The following NAALAD2 variants were observed in gnomAD, a reference collection of about 807,000 sequenced individuals.
The protein encoded by NAALAD2 is N-acetylated alpha-linked acidic dipeptidase 2.
A neutral mutation model predicts 95.6 loss-of-function variants in NAALAD2; 89 were observed. The ratio of observed to expected loss-of-function variants is 0.93; its 90% CI spans 0.78 to 1.11. The LOEUF (loss-of-function observed/expected upper bound fraction) is 1.11. Ranked by LOEUF, NAALAD2 falls within the 50% of genes least tolerant of loss-of-function variation. The pLI, the probability that NAALAD2 is intolerant of heterozygous loss-of-function variation, is 0.00. For synonymous variants in NAALAD2, 264 were observed against 294.4 expected (o/e 0.90, Z 1.06); for missense variants, 894 against 872.4 (o/e 1.02, Z -0.31).
At chr11:90,170,442 C>T (rs1952601016) in intron 13 of NAALAD2, among the ~76,000 whole-genome samples, 1 of 152,272 alleles carries the variant, frequency 6.6e-6, no homozygotes, top group African/African-American at 2.4e-5. Context: ...GAAAGGCATA[C>T]AGTTAAAAAA....
At chr11:90,163,279 T>C (rs908647669) in intron 9 of NAALAD2, 31 bp from the exon 10 acceptor site, 2 of 1,590,706 alleles carry the variant, frequency 1.3e-6, no homozygotes, top group African/African-American at 2.7e-5. Context: ...GTATTCAAAG[T>C]TGTAGGTTTC....
rs570739657 is a variant in NAALAD2, at chr11:90,168,638, G to A, written c.1279-291G>A. On this transcript the variant is annotated intron_variant, in intron 11 of 18. Coordinates refer to ENST00000534061, the MANE Select transcript of NAALAD2 (RefSeq NM_005467.4). ...ACATCCCTGCATAGTCTGATGCAGGGAATCAAGGAACCACACTTTGAAAAT... is the reference window on the plus strand; with the variant it reads ...ACATCCCTGCATAGTCTGATGCAGGAAATCAAGGAACCACACTTTGAAAAT... 2.6e-5 allele frequency among the ~76,000 whole-genome samples: 4 copies of A among 152,264 alleles called. No individual in the cohort carries two copies. In the East Asian group the frequency reaches 7.7e-4, roughly 29 times the overall value.
At chr11:90,166,715 G>T (rs1333411631) in intron 11 of NAALAD2, among the ~76,000 whole-genome samples, 1 of 151,826 alleles carries the variant, frequency 6.6e-6, no homozygotes, top group African/African-American at 2.4e-5. Context: ...GGTGCCTGTA[G>T]TCCCAGCTAC....
chr11:90,177,454 T>TA (rs1229312715), intron 15 of NAALAD2, among the ~76,000 whole-genome samples: 1 of 151,904 alleles, frequency 6.6e-6, no homozygotes, highest in Non-Finnish European at 1.5e-5. Context: ...GAAGGTTACA[T>TA]AAATTATAAA....
chr11:90,163,858 A>G (rs1952366543), intron 11 of NAALAD2: 1 of 461,832 alleles, frequency 2.2e-6, no homozygotes, highest in Non-Finnish European at 3.8e-6. Flanking sequence ...TGCCATTTGC[A>G]TTTGTTTTAT....
intron 3 of NAALAD2, among the ~76,000 whole-genome samples, chr11:90,148,490 C>T (rs1240233466): frequency 6.6e-6 from 1 of 152,030 alleles, no homozygotes; most frequent in African/African-American, 2.4e-5. Flanking sequence ...TGAATTTTAA[C>T]ATGTTGAGTT....
chr11:90,173,687 A>T (rs1591013217), intron 13 of NAALAD2, 137 bp from the exon 14 acceptor site: 4 of 491,526 alleles, frequency 8.1e-6, no homozygotes, highest in East Asian at 7.1e-5. Context: ...TCTATAAAAC[A>T]TATACATGTG....
At chr11:90,185,707 A>G (rs1827252146) in intron 18 of NAALAD2, among the ~76,000 whole-genome samples, 1 of 151,982 alleles carries the variant, frequency 6.6e-6, no homozygotes, top group African/African-American at 2.4e-5. Flanking sequence ...GAAAATATCT[A>G]CCTCTTACTG....
chr11:90,175,952 G>GTGTGTGTA lies in NAALAD2; in HGVS notation c.1503-20_1503-19insTGTGTGTA. 2.1e-6 allele frequency: 3 copies of GTGTGTGTA among 1,436,798 alleles called. No individual in the cohort carries two copies. Among genetic ancestry groups the GTGTGTGTA allele is most frequent in the South Asian group, 1.1e-5 (1 of 87,238 alleles). The allele number at this position is 1,436,798 out of a possible 1,614,324, so 89.0% of individuals were successfully genotyped here. ...TATGTGTGTGTGTGTGTGTGTGTGT[G>GTGTGTGTA]GATTGCATTCTACATCTAGAATCAA... On this transcript the variant is annotated intron_variant, in intron 14 of 18. Transcript: ENST00000534061.
intron 11 of NAALAD2, among the ~76,000 whole-genome samples, chr11:90,168,043 G>C (rs991602830): frequency 6.6e-6 from 1 of 152,084 alleles, no homozygotes; most frequent in Non-Finnish European, 1.5e-5. Flanking sequence ...GACTCCTTGG[G>C]TCCACACTGC....
rs753161930 is a variant in NAALAD2 at position 90,147,346 on chromosome 11, C to G, written c.211C>G (p.Pro71Ala). The G allele has an allele frequency of 1.2e-6, 2 of 1,612,914 alleles. No individual in the cohort carries two copies. Among genetic ancestry groups the G allele is most frequent in the Non-Finnish European group, 1.7e-6 (2 of 1,179,666 alleles). The change falls in exon 3 of 19, where the codon CCT becomes GCT. Residue 71 changes from proline to alanine, a missense_variant. Transcript: ENST00000534061. Reference protein sequence around the residue: ...KSFLRSFTKLPHLAGTEQNFL... With the variant: ...KSFLRSFTKLAHLAGTEQNFL... ...TCATTTTAGTTCTTTTACAAAGCTT[C>G]CTCATCTGGCAGGAACAGAACAAAA... is the stretch of plus-strand genomic sequence containing the variant.
chr11:90,183,379 A>C (rs181443857), intron 18 of NAALAD2, among the ~76,000 whole-genome samples: 24 of 152,288 alleles, frequency 1.6e-4, no homozygotes, highest in Non-Finnish European at 2.8e-4. Flanking sequence ...TGAGAAGCTT[A>C]CTACTTCATG....
At chr11:90,134,483 C>G (rs1476406509), upstream of NAALAD2, 1 of 439,530 alleles carries the variant, frequency 2.3e-6, no homozygotes, top group Non-Finnish European at 4.1e-6. Context: ...TTCAGCAGCT[C>G]CCGCCACCTA....
At chr11:90,154,838 G>GTATCTACGTATACATAATATGTTTATAT (rs1565521228) in intron 6 of NAALAD2, among the ~76,000 whole-genome samples, 14 of 122,718 alleles carry the variant, frequency 1.1e-4, no homozygotes, top group African/African-American at 4.2e-4. Context: ...ATGTTACATA[G>GTATCTACGTATACATAATATGTTTATAT]TATATACGTA....
chr11:90,160,310 A>G (rs1447315782), intron 8 of NAALAD2, among the ~76,000 whole-genome samples: 1 of 152,200 alleles, frequency 6.6e-6, no homozygotes, highest in African/African-American at 2.4e-5. Context: ...CAGAACTTCA[A>G]GAAGTTTGAT....
At chr11:90,163,655 T>C (rs759289226) in intron 11 of NAALAD2, 38 bp downstream of exon 11, 2 of 1,577,672 alleles carry the variant, frequency 1.3e-6, no homozygotes, top group Non-Finnish European at 1.7e-6. Context: ...ATTTTTTTGG[T>C]CAACAGGGAA....
At chr11:90,135,068 C>T in intron 1 of NAALAD2, 1 of 525,098 alleles carries the variant, frequency 1.9e-6, no homozygotes, top group Non-Finnish European at 3.4e-6. Context: ...TAAATGTTCA[C>T]TGAGTTCACT....
intron 6 of NAALAD2, among the ~76,000 whole-genome samples, chr11:90,155,566 T>C (rs568660258): frequency 2.3e-5 from 2 of 88,670 alleles, no homozygotes; most frequent in South Asian, 6.9e-4. Context: ...GTGTAATATA[T>C]AATATATAAT....
intron 9 of NAALAD2, 131 bp downstream of exon 9, chr11:90,163,165 T>C (rs957749231): frequency 8.1e-7 from 1 of 1,228,772 alleles, no homozygotes; most frequent in Non-Finnish European, 1.1e-6. Context: ...AGGAAAACTG[T>C]ACAAATCTAA....
Sources: allele counts gnomAD v4.1 joint callset (sites outside exome capture counted in the v4.1 genomes callset), GRCh38; gene constraint gnomAD v4.1.1; transcripts MANE v1.5; gene names NCBI Gene and HGNC (gene_info 2026-07-23, HGNC 2026-07-21).